The following TBC1D8 variants were observed in gnomAD, a reference collection of about 807,000 sequenced individuals.
TBC1D8 encodes the protein BUB2-like protein 1.
Under a neutral mutation model 118.8 loss-of-function variants are expected in TBC1D8, and 65 were observed. The observed-to-expected ratio is 0.55, with a 90% CI of 0.45 to 0.67. TBC1D8 has a LOEUF of 0.67. Ranked by LOEUF, TBC1D8 falls within the 30% of genes least tolerant of loss-of-function variation. The pLI is 0.00. For synonymous variants in TBC1D8, 566 were observed against 595.8 expected (o/e 0.95, Z 0.73); for missense variants, 1,376 against 1,471.2 (o/e 0.94, Z 1.06).
chr2:101,021,676 CT>C lies in TBC1D8; in HGVS notation c.2827+4del. On this transcript the variant is annotated splice_donor_region_variant and intron_variant, in intron 17 of 19. Coordinates refer to ENST00000409318, the MANE Select transcript of TBC1D8 (RefSeq NM_001330348.2). The stretch of plus-strand genomic sequence containing the variant: ...AGTCTGATTTTGCTACTTGGACTTT[CT>C]TACCTGGAGGGATATGAAGCCTGTA... 1 of 1,592,518 alleles carries C rather than the reference CT, an allele frequency of 6.3e-7. No homozygotes were observed. Among genetic ancestry groups the C allele is most frequent in the South Asian group, 1.1e-5 (1 of 88,856 alleles).
intron 2 of TBC1D8, 131 bp from the exon 3 acceptor site, chr2:101,059,670 G>A: frequency 1.4e-6 from 1 of 731,576 alleles, no homozygotes; most frequent in South Asian, 1.8e-5. Context: ...GCCAGGCGCA[G>A]TGGCTCACGC....
chr2:101,149,048 TA>T (rs922908901), intron 1 of TBC1D8, among the ~76,000 whole-genome samples: 3 of 152,118 alleles, frequency 2.0e-5, no homozygotes, highest in Non-Finnish European at 4.4e-5. Flanking sequence ...TGCTCAAAGG[TA>T]AAGTGTCTGG....
At chr2:101,069,025 G>C (rs924374890) in intron 2 of TBC1D8, among the ~76,000 whole-genome samples, 1 of 150,048 alleles carries the variant, frequency 6.7e-6, no homozygotes, top group Non-Finnish European at 1.5e-5. Flanking sequence ...AAAAGGCCAG[G>C]CATGGTGGCT....
In TBC1D8 at chr2:101,054,641, TCTCAAACAAACAATCATTTTCTTTTC is replaced by T. The variant is rs375207834; in HGVS notation, c.403-331_403-306del. ...AAATCATTTGACTTCTAAGCCCGGT[TCTCAAACAAACAATCATTTTCTTTTC>T]TTTTCTTTTTTTTTTTTTTTTTTTT... On this transcript the variant is annotated intron_variant, in intron 3 of 19. Transcript: ENST00000409318. Among the ~76,000 whole-genome samples, 43 of 74,008 alleles carry T rather than the reference TCTCAAACAAACAATCATTTTCTTTTC, an allele frequency of 5.8e-4. 4 individuals carry two copies. The highest frequency in any genetic ancestry group is 4.4e-4 in the African/African-American group (9 of 20,386). The allele number at this position is 74,008 out of a possible 152,430, so 48.6% of individuals were successfully genotyped here.
intron 2 of TBC1D8, among the ~76,000 whole-genome samples, chr2:101,061,836 C>T (rs536236676): frequency 2.6e-5 from 4 of 152,230 alleles, no homozygotes; most frequent in Non-Finnish European, 5.9e-5. Flanking sequence ...GCCCTTCAGG[C>T]TCCCCATCCC....
chr2:101,093,224 A>AGT (rs1362137616), intron 1 of TBC1D8, among the ~76,000 whole-genome samples: 2 of 152,234 alleles, frequency 1.3e-5, no homozygotes, highest in Non-Finnish European at 2.9e-5. Context: ...TCTAGTTAAC[A>AGT]GTAGGTTATT....
At chr2:101,085,633 A>C (rs1675563477) in intron 2 of TBC1D8, among the ~76,000 whole-genome samples, 1 of 152,186 alleles carries the variant, frequency 6.6e-6, no homozygotes, top group Non-Finnish European at 1.5e-5. Flanking sequence ...CTGCTAAAGA[A>C]AATGAATGGA....
chr2:101,057,823 C>CA (rs1682527271), intron 3 of TBC1D8, among the ~76,000 whole-genome samples: 1 of 152,046 alleles, frequency 6.6e-6, no homozygotes, highest in South Asian at 2.1e-4. Context: ...GACCCTGTCT[C>CA]AAAAAAACAA....
intron 18 of TBC1D8, 30 bp downstream of exon 18, chr2:101,011,421 G>A (rs1679202817): frequency 1.2e-5 from 19 of 1,605,904 alleles, no homozygotes; most frequent in Non-Finnish European, 1.6e-5. Flanking sequence ...TGGTATGCAG[G>A]GGAAAGCAAC....
chr2:101,028,179 C>A (rs756187201), intron 13 of TBC1D8, 33 bp from the exon 14 acceptor site: 9 of 1,612,042 alleles, frequency 5.6e-6, no homozygotes, highest in Non-Finnish European at 7.6e-6. Flanking sequence ...TTGCTCAGTC[C>A]CCTGCTCATC....
intron 2 of TBC1D8, among the ~76,000 whole-genome samples, chr2:101,069,402 C>T (rs1227292189): frequency 1.3e-5 from 2 of 151,688 alleles, no homozygotes; most frequent in Admixed American, 1.3e-4. Context: ...GCCTGACCAA[C>T]ATGGAGAAAT....
intron 1 of TBC1D8, among the ~76,000 whole-genome samples, chr2:101,107,443 A>G (rs1476253191): frequency 6.6e-6 from 1 of 152,142 alleles, no homozygotes; most frequent in African/African-American, 2.4e-5. Context: ...GGGCCCAGAC[A>G]GAAAAAAAAA....
At chr2:101,079,860 G>T (rs541457719) in intron 2 of TBC1D8, among the ~76,000 whole-genome samples, 1 of 151,764 alleles carries the variant, frequency 6.6e-6, no homozygotes, top group Admixed American at 6.6e-5. Flanking sequence ...TAATTTTTTT[G>T]TATTTTTAGT....
At chr2:101,038,711 T>C in intron 6 of TBC1D8, 56 bp from the exon 7 acceptor site, 1 of 1,581,860 alleles carries the variant, frequency 6.3e-7, no homozygotes. Context: ...AGGCATGTTA[T>C]TACATATGCA....
chr2:101,119,980 G>C (rs1320066790), intron 1 of TBC1D8, among the ~76,000 whole-genome samples: 1 of 152,122 alleles, frequency 6.6e-6, no homozygotes, highest in Non-Finnish European at 1.5e-5. Flanking sequence ...TCCCTCCACA[G>C]AACAGGCAAA....
chr2:101,114,093 T>G (rs892395910), intron 1 of TBC1D8, among the ~76,000 whole-genome samples: 1 of 152,200 alleles, frequency 6.6e-6, no homozygotes, highest in Non-Finnish European at 1.5e-5. Context: ...TGGGTTCCAT[T>G]CATCTTGAAA....
intron 1 of TBC1D8, among the ~76,000 whole-genome samples, chr2:101,129,181 C>T (rs532129167): frequency 6.6e-5 from 10 of 152,000 alleles, no homozygotes; most frequent in Non-Finnish European, 1.0e-4. Context: ...GTTCTGTCGC[C>T]CAGGTTGGAG....
intron 6 of TBC1D8, among the ~76,000 whole-genome samples, chr2:101,039,551 A>T (rs1055162758): frequency 3.3e-5 from 5 of 152,200 alleles, no homozygotes; most frequent in African/African-American, 1.2e-4. Flanking sequence ...TGACGTGTAA[A>T]CAGAGTTGTG....
intron 1 of TBC1D8, among the ~76,000 whole-genome samples, chr2:101,105,511 C>A (rs1463314042): frequency 6.6e-6 from 1 of 150,998 alleles, no homozygotes; most frequent in Non-Finnish European, 1.5e-5. Context: ...ATCACTTGAA[C>A]CCGGGAGGCA....
Sources: gnomAD v4.1 joint callset for allele counts (sites outside exome capture counted in the v4.1 genomes callset) on GRCh38, gnomAD v4.1.1 for gene constraint, MANE v1.5 for transcripts, NCBI Gene and HGNC (gene_info 2026-07-23, HGNC 2026-07-21) for gene names.